BARD1: variants seen among roughly 807,000 people sequenced by gnomAD.
The protein encoded by BARD1 is BRCA1-associated RING domain protein 1.
Under a neutral mutation model 77.0 loss-of-function variants are expected in BARD1, and 73 were observed. The ratio of observed to expected loss-of-function variants is 0.95; its 90% CI spans 0.79 to 1.15. BARD1 has a LOEUF of 1.15. BARD1 is among the 50% of genes most tolerant of loss of function. BARD1 has a pLI of 0.00. For synonymous variants in BARD1, 384 were observed against 338.0 expected, an observed-to-expected ratio of 1.14 and a Z score of -1.49; for missense variants, 993 against 938.8, an observed-to-expected ratio of 1.06 and a Z score of -0.75.
intron 3 of BARD1, among the ~76,000 whole-genome samples, chr2:214,787,723 G>A (rs1468953966): frequency 1.3e-5 from 2 of 151,958 alleles, no homozygotes; most frequent in Non-Finnish European, 1.5e-5. Context: ...GTGTTACTAA[G>A]GAGCTGCTTG....
intron 4 of BARD1, among the ~76,000 whole-genome samples, chr2:214,772,973 T>C (rs1694576405): frequency 6.6e-6 from 1 of 152,204 alleles, no homozygotes; most frequent in South Asian, 2.1e-4. Flanking sequence ...ACATAATTTA[T>C]CTAAGGAAAG....
intron 1 of BARD1, among the ~76,000 whole-genome samples, chr2:214,808,830 T>C (rs1228446431): frequency 6.6e-6 from 1 of 152,238 alleles, no homozygotes. Flanking sequence ...TACAGTCTTT[T>C]GAGCAAACTA....
At chr2:214,796,092 C>T (rs890958051) in intron 2 of BARD1, among the ~76,000 whole-genome samples, 10 of 152,102 alleles carry the variant, frequency 6.6e-5, no homozygotes, top group Non-Finnish European at 1.3e-4. Flanking sequence ...ATACTCATAA[C>T]TGGAAATAAT....
intron 9 of BARD1, among the ~76,000 whole-genome samples, chr2:214,731,775 C>T (rs543121397): frequency 1.3e-5 from 2 of 152,282 alleles, no homozygotes; most frequent in African/African-American, 4.8e-5. Context: ...TTCAGAATTT[C>T]ATACACTTTC....
intron 1 of BARD1, among the ~76,000 whole-genome samples, chr2:214,804,494 G>A (rs1696176370): frequency 6.6e-6 from 1 of 152,142 alleles, no homozygotes; most frequent in Admixed American, 6.5e-5. Context: ...ATTCTAACTT[G>A]GAAGATACGA....
chr2:214,737,963 A>C (rs1318449532), intron 9 of BARD1, among the ~76,000 whole-genome samples: 1 of 152,186 alleles, frequency 6.6e-6, no homozygotes, highest in Non-Finnish European at 1.5e-5. Context: ...AAAAGCAAAA[A>C]TACAAATATA....
chr2:214,751,151 A>ATATTTTTTTTT (rs1693429141), intron 7 of BARD1, among the ~76,000 whole-genome samples: 1 of 37,190 alleles, frequency 2.7e-5, no homozygotes, highest in Non-Finnish European at 4.6e-5. Flanking sequence ...ATATATATAT[A>ATATTTTTTTTT]TTTTTTTTTT....
At chr2:214,770,031 A>T (rs1460831868) in intron 4 of BARD1, among the ~76,000 whole-genome samples, 2 of 152,210 alleles carry the variant, frequency 1.3e-5, no homozygotes, top group African/African-American at 2.4e-5. Flanking sequence ...GTGAAACCAA[A>T]GTTAAAAAAC....
chr2:214,759,485 C>CTAG (rs1693849155), intron 6 of BARD1, among the ~76,000 whole-genome samples: 1 of 151,774 alleles, frequency 6.6e-6, no homozygotes, highest in Admixed American at 6.6e-5. Context: ...TTTTCATGAT[C>CTAG]TAGGGTTAAA....
rs58657127 is a variant in BARD1, at chr2:214,796,299, A to G, written c.215+762T>C. ...GCACTGAATTGTGTCCCCCAAAAAG[A>G]TGTTTGAGTCTTCACCCCTCAGTTA... On this transcript the variant is annotated intron_variant, in intron 2 of 10. Coordinates refer to ENST00000260947, the MANE Select transcript of BARD1 (RefSeq NM_000465.4). Among the ~76,000 whole-genome samples the G allele has an allele frequency of 5.3e-3, 802 of 152,290 alleles. 7 individuals carry two copies. The highest frequency in any genetic ancestry group is 0.018 in the African/African-American group (758 of 41,564).
At chr2:214,755,258 ACT>A (rs1485109610) in intron 6 of BARD1, among the ~76,000 whole-genome samples, 3 of 152,020 alleles carry the variant, frequency 2.0e-5, no homozygotes, top group Non-Finnish European at 2.9e-5. Context: ...AGGGAAGAAG[ACT>A]CTTTTTTAGA....
At chr2:214,745,035 C>A in intron 9 of BARD1, 32 bp downstream of exon 9, 2 of 1,570,706 alleles carry the variant, frequency 1.3e-6, no homozygotes, top group South Asian at 2.2e-5. Context: ...TAGTCTAATT[C>A]ATTTCTTAAT....
At chr2:214,798,772 G>GAAAAAAAAA (rs10707828) in intron 1 of BARD1, among the ~76,000 whole-genome samples, 1 of 127,494 alleles carries the variant, frequency 7.8e-6, no homozygotes, top group Non-Finnish European at 1.6e-5. Context: ...ATTAAAAAAA[G>GAAAAAAAAA]AAAAAAAAAA....
intron 3 of BARD1, among the ~76,000 whole-genome samples, chr2:214,791,093 G>A (rs144328161): frequency 5.3e-5 from 8 of 152,120 alleles, no homozygotes; most frequent in South Asian, 2.1e-4. Flanking sequence ...TTTAAAAAAC[G>A]GCAACTTTTA....
chr2:214,793,796 C>T (rs1695635257), intron 2 of BARD1, among the ~76,000 whole-genome samples: 1 of 151,930 alleles, frequency 6.6e-6, no homozygotes, highest in Non-Finnish European at 1.5e-5. Context: ...ACCTGTATAG[C>T]TCAGTGAGTA....
Position 214,792,327 on chromosome 2 carries a change from G to A in BARD1, c.334C>T (p.Arg112Ter), listed in dbSNP as rs758972589. Residue 112 changes from arginine to a stop codon, truncating the protein, a stop_gained, in exon 3 of 11, where the codon CGA becomes TGA. Coordinates refer to ENST00000260947, the MANE Select transcript of BARD1 (RefSeq NM_000465.4). LOFTEE classifies it high-confidence loss of function. ...DSMIQLCSKL[R>*]NLLHDNELSD... is the part of the protein sequence containing the mutation. The stretch of plus-strand genomic sequence containing the variant: ...AGCTCATTGTCATGTAGCAAATTTC[G>A]AAGCTTACTACAAAGTTGAATCATG... 10 of 1,612,920 alleles carry A rather than the reference G, an allele frequency of 6.2e-6. No homozygotes were observed. Among genetic ancestry groups the A allele is most frequent in the African/African-American group, 5.4e-5 (4 of 74,702 alleles).
intron 9 of BARD1, among the ~76,000 whole-genome samples, chr2:214,734,985 G>A (rs1692510985): frequency 6.6e-6 from 1 of 152,134 alleles, no homozygotes; most frequent in Non-Finnish European, 1.5e-5. Flanking sequence ...GAAATACAGG[G>A]TTACATTTCT....
chr2:214,781,670 C>G (rs901087443), intron 3 of BARD1, among the ~76,000 whole-genome samples, 161 bp from the exon 4 acceptor site: 1 of 152,098 alleles, frequency 6.6e-6, no homozygotes, highest in Admixed American at 6.6e-5. Context: ...AGCAGATATT[C>G]ACTCATTCAA....
chr2:214,808,145 C>A (rs1455701922), intron 1 of BARD1, among the ~76,000 whole-genome samples: 1 of 152,250 alleles, frequency 6.6e-6, no homozygotes. Flanking sequence ...CACCGTGGCT[C>A]ACGCCTGTAA....
Sources: gnomAD v4.1 joint callset for allele counts (sites outside exome capture counted in the v4.1 genomes callset) on GRCh38, gnomAD v4.1.1 for gene constraint, MANE v1.5 for transcripts, NCBI Gene and HGNC (gene_info 2026-07-23, HGNC 2026-07-21) for gene names.